The following ZNF99 variants were observed in gnomAD, a reference collection of about 807,000 sequenced individuals.
The protein encoded by ZNF99 is zinc finger protein ENSP00000375192.
A neutral mutation model predicts 12.8 loss-of-function variants in ZNF99; 8 were observed. That is an observed-to-expected ratio of 0.62 (90% CI 0.37 to 1.13). ZNF99 has a LOEUF of 1.13. Among genes scored for constraint, ZNF99 ranks in the 50% most tolerant of loss-of-function variants. The pLI is 0.02. For synonymous variants in ZNF99, 318 were observed against 319.0 expected, an observed-to-expected ratio of 1.00 and a Z score of 0.03; for missense variants, 1,007 against 1,006.2, an observed-to-expected ratio of 1.00 and a Z score of -0.01.
chr19:22,757,819 A>T lies in ZNF99; in HGVS notation c.2090T>A (p.Ile697Lys), dbSNP rs529637559. 1.8e-5 allele frequency: 29 copies of T among 1,612,474 alleles called. No individual in the cohort carries two copies. Among genetic ancestry groups the T allele is most frequent in the Admixed American group, 3.3e-5 (2 of 59,874 alleles). Residue 697 changes from isoleucine to lysine, a missense_variant, in exon 4 of 4, where the codon ATA (isoleucine) becomes AAA (lysine). Transcript: ENST00000596209. The stretch of plus-strand genomic sequence containing the variant: ...GTAGGGTTTCTTTCCAGTATGAATT[A>T]TCTTATGTTTCCTAAGGGCTGAGAA... ...NHFSALRKHK[I>K]IHTGKKPYKC... is the part of the protein sequence containing the mutation.
intron 3 of ZNF99, among the ~76,000 whole-genome samples, chr19:22,761,429 C>T (rs919757518): frequency 2.0e-5 from 3 of 152,112 alleles, no homozygotes; most frequent in African/African-American, 7.2e-5. Flanking sequence ...TCTTGTACAA[C>T]AGGAACATAT....
rs575123324 is a variant in ZNF99 at position 22,754,070 on chromosome 19, C to T, written c.*3244G>A. On this transcript the variant is annotated 3_prime_UTR_variant, in exon 4 of 4. Transcript: ENST00000596209. ...TGATAACTTATTAAAAACTTTGCCA[C>T]ATTCGACCGGGCTCAATGGCTCATG... The T allele has an allele frequency of 1.7e-4, 76 of 455,736 alleles. No individual in the cohort carries two copies. Among genetic ancestry groups the T allele is most frequent in the Non-Finnish European group, 3.1e-4 (71 of 226,798 alleles). 28.2% of individuals were successfully genotyped at this position (455,736 alleles called of 1,614,324 possible). A position where few individuals can be genotyped will look rare whatever the true frequency, so the allele number is the denominator to read the frequency against.
chr19:22,783,894 G>C, intron 1 of ZNF99, 120 bp downstream of exon 1: 1 of 1,345,632 alleles, frequency 7.4e-7, no homozygotes, highest in Non-Finnish European at 1.1e-6. Flanking sequence ...AGCTGGGCAA[G>C]AGCTCGGGGC....
intron 1 of ZNF99, among the ~76,000 whole-genome samples, chr19:22,782,515 C>T (rs1973399355): frequency 6.6e-6 from 1 of 151,694 alleles, no homozygotes; most frequent in Admixed American, 6.6e-5. Context: ...GCATGTGCCA[C>T]CACACCTGGC....
At chr19:22,783,308 A>C (rs2145164329) in intron 1 of ZNF99, among the ~76,000 whole-genome samples, 1 of 128,648 alleles carries the variant, frequency 7.8e-6, no homozygotes, top group African/African-American at 3.8e-5. Flanking sequence ...AATATTAATA[A>C]TTCAAGTGCT....
chr19:22,753,261 T>C lies in ZNF99; in HGVS notation c.*4053A>G, dbSNP rs898573769. On this transcript the variant is annotated 3_prime_UTR_variant, in exon 4 of 4. Transcript: ENST00000596209. ...ATCACCTCCTCTTTTTTAAGTTATA[T>C]GCAAATAACTTATCTAAATTTTAGA... 6.6e-6 allele frequency: 1 copy of C among 152,116 alleles called. No homozygotes were observed. The highest frequency in any genetic ancestry group is 1.9e-4 in the East Asian group (1 of 5,196). 9.4% of individuals were successfully genotyped at this position (152,116 alleles called of 1,614,324 possible).
chr19:22,783,190 G>C (rs1378817717), intron 1 of ZNF99, among the ~76,000 whole-genome samples: 1 of 152,036 alleles, frequency 6.6e-6, no homozygotes, highest in African/African-American at 2.4e-5. Flanking sequence ...TGAGGCAGGA[G>C]AATCGCTTGA....
intron 1 of ZNF99, among the ~76,000 whole-genome samples, chr19:22,783,444 G>C (rs191641926): frequency 6.6e-6 from 1 of 152,038 alleles, no homozygotes; most frequent in Admixed American, 6.5e-5. Flanking sequence ...AAGAATCTAC[G>C]TAACTGTACA....
At chr19:22,774,352 C>G (rs1430153195) in intron 1 of ZNF99, 1 of 152,976 alleles carries the variant, frequency 6.5e-6, no homozygotes, top group African/African-American at 2.4e-5. Context: ...CTCTGCTGCT[C>G]TCTCATCTCC....
At chr19:22,780,256 A>AATTTTG (rs1288218776) in intron 1 of ZNF99, among the ~76,000 whole-genome samples, 1 of 152,244 alleles carries the variant, frequency 6.6e-6, no homozygotes, top group East Asian at 1.9e-4. Context: ...AAGTGTTCGA[A>AATTTTG]AAATTCAGTG....
rs776360440 is a variant in ZNF99 at position 22,756,959 on chromosome 19, G to T, written c.*355C>A. 4 of 1,612,192 alleles carry T rather than the reference G, an allele frequency of 2.5e-6. No homozygotes were observed. In the Admixed American group the frequency reaches 6.7e-5, roughly 27 times the overall value. On this transcript the variant is annotated 3_prime_UTR_variant, in exon 4 of 4. Coordinates refer to ENST00000596209, the MANE Select transcript of ZNF99 (RefSeq NM_001080409.3). ...TTTACCACATTCTTCACATTTGTAT[G>T]GTTTCTCCCCAGTATGAATTATCTT...
intron 1 of ZNF99, among the ~76,000 whole-genome samples, chr19:22,783,458 C>G (rs1303283023): frequency 6.6e-6 from 1 of 152,070 alleles, no homozygotes; most frequent in Non-Finnish European, 1.5e-5. Flanking sequence ...CTGTACATAA[C>G]CCATTACTGA....
chr19:22,755,603 A>T lies in ZNF99; in HGVS notation c.*1711T>A. On this transcript the variant is annotated 3_prime_UTR_variant, in exon 4 of 4. Transcript: ENST00000596209. ...TGAGAAGCAGTTAAAAGTTTTGCCA[A>T]ATTCTTTAAATTTGTAGTGTTCCTC... The T allele has an allele frequency of 3.6e-6, 1 of 277,220 alleles. No individual in the cohort carries two copies. Among genetic ancestry groups the T allele is most frequent in the Non-Finnish European group, 7.4e-6 (1 of 135,662 alleles). 17.2% of individuals were successfully genotyped at this position (277,220 alleles called of 1,614,324 possible).
rs1011776843 is a variant in ZNF99 at position 22,753,683 on chromosome 19, A to G, written c.*3631T>C. 1 of 156,552 alleles carries G rather than the reference A, an allele frequency of 6.4e-6. No homozygotes were observed. Among genetic ancestry groups the G allele is most frequent in the Non-Finnish European group, 1.4e-5 (1 of 70,742 alleles). 9.7% of individuals were successfully genotyped at this position (156,552 alleles called of 1,614,324 possible). On this transcript the variant is annotated 3_prime_UTR_variant, in exon 4 of 4. Transcript: ENST00000596209. ...CTAAGGTTTATATTTTCTAAAAGAT[A>G]TTCTCACAGTAATTGCATTTTTAAT...
In ZNF99 at chr19:22,769,226, T is replaced by C; in HGVS notation, c.102A>G (p.Leu34=). The C allele has an allele frequency of 6.2e-7, 1 of 1,608,980 alleles. No homozygotes were observed. The highest frequency in any genetic ancestry group is 1.1e-5 in the South Asian group (1 of 90,944). Residue 34 remains leucine (L), a synonymous_variant, in exon 2 of 4, where the codon TTA becomes TTG. Transcript: ENST00000596209. The part of the protein sequence containing the change: ...AQQNLYRNVM[L]ENYRNLVFLG... ...GGAAGACCAGGTTTCTGTAGTTCTC[T>C]AACATAACATTCCTATATAAATTCT... is the stretch of plus-strand genomic sequence containing the variant.
At chr19:22,761,071 C>T (rs184969501) in intron 3 of ZNF99, among the ~76,000 whole-genome samples, 4 of 151,862 alleles carry the variant, frequency 2.6e-5, no homozygotes, top group Non-Finnish European at 4.4e-5. Flanking sequence ...ATATGGAATA[C>T]TAGGGCAACA....
In ZNF99 at chr19:22,756,380, T is replaced by G; in HGVS notation, c.*934A>C. The G allele has an allele frequency of 6.3e-7, 1 of 1,596,950 alleles. No homozygotes were observed. Among genetic ancestry groups the G allele is most frequent in the Non-Finnish European group, 8.5e-7 (1 of 1,174,366 alleles). On this transcript the variant is annotated 3_prime_UTR_variant, in exon 4 of 4. Coordinates refer to ENST00000596209, the MANE Select transcript of ZNF99 (RefSeq NM_001080409.3). The stretch of plus-strand genomic sequence containing the variant: ...GCCACATTCTTCACATTTGTAGGGT[T>G]TCTCTCCAGAATGAATTATCTTATG...
intron 3 of ZNF99, among the ~76,000 whole-genome samples, chr19:22,763,371 A>C (rs12979774): frequency 0.35 from 53,309 of 151,622 alleles, 9,899 homozygotes; most frequent in African/African-American, 0.5. Context: ...CAAAACTCAA[A>C]CTCTTTTACA....
chr19:22,784,142 AAAC>A lies in ZNF99; in HGVS notation c.-129_-127del. The A allele has an allele frequency of 9.5e-7, 1 of 1,056,094 alleles. No homozygotes were observed. Among genetic ancestry groups the A allele is most frequent in the Admixed American group, 2.3e-5 (1 of 43,176 alleles). The allele number at this position is 1,056,094 out of a possible 1,614,324, so 65.4% of individuals were successfully genotyped here. A position where few individuals can be genotyped will look rare whatever the true frequency, so the allele number is the denominator to read the frequency against. ...GATCCGGAGCTCCAGCTGGAACCAG[AAAC>A]AACGGCCCCGCCACATCCCACAAGC... On this transcript the variant is annotated 5_prime_UTR_variant, in exon 1 of 4. Coordinates refer to ENST00000596209, the MANE Select transcript of ZNF99 (RefSeq NM_001080409.3).
Sources: gnomAD v4.1 joint callset for allele counts (sites outside exome capture counted in the v4.1 genomes callset) on GRCh38, gnomAD v4.1.1 for gene constraint, MANE v1.5 for transcripts, NCBI Gene and HGNC (gene_info 2026-07-23, HGNC 2026-07-21) for gene names.